The following AFAP1 variants were observed in gnomAD, a reference collection of about 807,000 sequenced individuals.
The protein encoded by AFAP1 is actin filament-associated protein 1.
AFAP1 carries 75 observed loss-of-function variants against 93.9 expected under a neutral mutation model. The ratio of observed to expected loss-of-function variants is 0.80; its 90% CI spans 0.66 to 0.97. The LOEUF is 0.97. Among genes scored for constraint, AFAP1 ranks in the 50% least tolerant of loss-of-function variants. AFAP1 has a pLI of 0.00. For missense variants in AFAP1, 1,201 were observed against 1,050.8 expected (o/e 1.14, Z -1.98); for synonymous variants, 517 against 430.7 (o/e 1.20, Z -2.48).
chr4:7,821,208 C>T (rs777766877), intron 6 of AFAP1, among the ~76,000 whole-genome samples: 17 of 152,220 alleles, frequency 1.1e-4, no homozygotes, highest in Middle Eastern at 3.4e-3. Context: ...TCCTCCCCAG[C>T]GAGGGAATAA....
intron 9 of AFAP1, among the ~76,000 whole-genome samples, chr4:7,802,383 G>A (rs1560168131): frequency 1.3e-5 from 2 of 152,210 alleles, no homozygotes; most frequent in Non-Finnish European, 2.9e-5. Flanking sequence ...TAGGAGGGCT[G>A]CAGGGAGGTG....
rs1247257408 is a variant in AFAP1, at chr4:7,763,763, C to T, written c.*2G>A. Reference sequence around the variant, plus strand: ...CTGAGGCTGGAGTGGTGCTGCTGTCCCCTAGGTCCCGTTCTTCAATTCCCA... The same window carrying T: ...CTGAGGCTGGAGTGGTGCTGCTGTCTCCTAGGTCCCGTTCTTCAATTCCCA... On this transcript the variant is annotated 3_prime_UTR_variant, in exon 18 of 18. Transcript: ENST00000420658. 5 of 1,551,502 alleles carry T rather than the reference C, an allele frequency of 3.2e-6. No homozygotes were observed. The highest frequency in any genetic ancestry group is 1.4e-5 in the African/African-American group (1 of 73,006).
intron 16 of AFAP1, among the ~76,000 whole-genome samples, chr4:7,771,415 T>C (rs1454752395): frequency 6.6e-6 from 1 of 152,084 alleles, no homozygotes. Context: ...TTGTATTTTA[T>C]ATATAATAGA....
chr4:7,785,406 G>C (rs776767336), intron 12 of AFAP1, among the ~76,000 whole-genome samples: 4 of 152,122 alleles, frequency 2.6e-5, no homozygotes, highest in African/African-American at 9.7e-5. Flanking sequence ...CAGGAGCCAG[G>C]AGCCTGGCTC....
At chr4:7,925,076 T>C (rs1487347510) in intron 1 of AFAP1, among the ~76,000 whole-genome samples, 12 of 152,046 alleles carry the variant, frequency 7.9e-5, no homozygotes, top group Admixed American at 7.2e-4. Context: ...CTCTGCCACA[T>C]GCAAGTGACG....
chr4:7,876,340 G>A (rs1164396128), intron 1 of AFAP1, among the ~76,000 whole-genome samples: 1 of 152,230 alleles, frequency 6.6e-6, no homozygotes, highest in Non-Finnish European at 1.5e-5. Flanking sequence ...TATACTGCAA[G>A]GTCCTGCACA....
chr4:7,843,065 TGACTG>T, intron 5 of AFAP1, 69 bp downstream of exon 5: 1 of 1,497,308 alleles, frequency 6.7e-7, no homozygotes, highest in East Asian at 2.3e-5. Flanking sequence ...ATGTTAATGG[TGACTG>T]GATATAAACG....
chr4:7,787,151 C>T (rs1010667088), intron 11 of AFAP1, among the ~76,000 whole-genome samples: 2 of 152,260 alleles, frequency 1.3e-5, no homozygotes, highest in African/African-American at 2.4e-5. Flanking sequence ...GAAACCAACC[C>T]TGTGATTACG....
Position 7,759,894 on chromosome 4 carries a change from T to A in AFAP1, c.*3871A>T, listed in dbSNP as rs1293391627. 6.6e-6 allele frequency: 1 copy of A among 152,282 alleles called. No individual in the cohort carries two copies. The highest frequency in any genetic ancestry group is 1.5e-5 in the Non-Finnish European group (1 of 68,058). The allele number at this position is 152,282 out of a possible 1,614,324, so 9.4% of individuals were successfully genotyped here. A position where few individuals can be genotyped will look rare whatever the true frequency, so the allele number is the denominator to read the frequency against. On this transcript the variant is annotated 3_prime_UTR_variant, in exon 18 of 18. Coordinates refer to ENST00000420658, the MANE Select transcript of AFAP1 (RefSeq NM_001134647.2). Reference sequence around the variant, plus strand: ...GGCAGTCGCCGGCCACACTGCAGGCTGCCCATCCTTGGATGGTGTCTAATG... The same window carrying A: ...GGCAGTCGCCGGCCACACTGCAGGCAGCCCATCCTTGGATGGTGTCTAATG...
At chr4:7,803,801 G>T (rs918281897) in intron 9 of AFAP1, among the ~76,000 whole-genome samples, 1 of 152,252 alleles carries the variant, frequency 6.6e-6, no homozygotes, top group African/African-American at 2.4e-5. Context: ...ATATTGGACA[G>T]ATCCACATTT....
At chr4:7,798,881 C>T in intron 10 of AFAP1, 3 of 990,546 alleles carry the variant, frequency 3.0e-6, no homozygotes, top group Non-Finnish European at 2.4e-6. Context: ...GCATCTCCCT[C>T]TTCATTCCTG....
At chr4:7,853,420 C>G (rs975714901) in intron 4 of AFAP1, among the ~76,000 whole-genome samples, 1 of 152,122 alleles carries the variant, frequency 6.6e-6, no homozygotes, top group Non-Finnish European at 1.5e-5. Context: ...CAGGTGGACG[C>G]GGGGACAGGG....
At chr4:7,848,495 TC>T (rs2149128234) in intron 4 of AFAP1, among the ~76,000 whole-genome samples, 1 of 151,856 alleles carries the variant, frequency 6.6e-6, no homozygotes, top group East Asian at 1.9e-4. Flanking sequence ...AGTCCTGGGG[TC>T]CCAAGGCCGG....
At chr4:7,897,202 A>C (rs1718832654) in intron 1 of AFAP1, among the ~76,000 whole-genome samples, 1 of 152,198 alleles carries the variant, frequency 6.6e-6, no homozygotes, top group African/African-American at 2.4e-5. Context: ...AGGTGATGAA[A>C]AATAATGAAA....
At chr4:7,883,593 G>T (rs1407847289) in intron 1 of AFAP1, among the ~76,000 whole-genome samples, 7 of 152,148 alleles carry the variant, frequency 4.6e-5, no homozygotes, top group Non-Finnish European at 4.4e-5. Flanking sequence ...ATTTCTATTG[G>T]CAGCTGATGT....
At chr4:7,784,549 C>A (rs934447835) in intron 12 of AFAP1, among the ~76,000 whole-genome samples, 3 of 152,160 alleles carry the variant, frequency 2.0e-5, no homozygotes, top group Admixed American at 6.5e-5. Context: ...GGGAAGGGGG[C>A]AGATCAAGTG....
chr4:7,813,813 G>A (rs1720248306), intron 8 of AFAP1, among the ~76,000 whole-genome samples: 2 of 152,178 alleles, frequency 1.3e-5, no homozygotes, highest in Non-Finnish European at 2.9e-5. Context: ...ACTCTGTAAT[G>A]TCATAACAGT....
chr4:7,926,009 C>G (rs368679237), intron 1 of AFAP1, among the ~76,000 whole-genome samples: 1 of 152,206 alleles, frequency 6.6e-6, no homozygotes, highest in Non-Finnish European at 1.5e-5. Context: ...AGCTGCCCAA[C>G]AGCTGTGAGT....
chr4:7,843,003 C>A, intron 5 of AFAP1, 136 bp downstream of exon 5: 2 of 964,276 alleles, frequency 2.1e-6, no homozygotes, highest in Non-Finnish European at 3.1e-6. Context: ...GGTACTGCGG[C>A]TAGCTCAGGG....
Sources: allele counts gnomAD v4.1 joint callset (sites outside exome capture counted in the v4.1 genomes callset), GRCh38; gene constraint gnomAD v4.1.1; transcripts MANE v1.5; gene names NCBI Gene and HGNC (gene_info 2026-07-23, HGNC 2026-07-21).